The following PDE8A variants were observed in gnomAD, a reference collection of about 807,000 sequenced individuals.
PDE8A encodes phosphodiesterase 8A, also known as high affinity cAMP-specific and IBMX-insensitive 3',5'-cyclic phosphodiesterase 8A.
PDE8A carries 59 observed loss-of-function variants against 105.0 expected under a neutral mutation model. That is an observed-to-expected ratio of 0.56 (90% CI 0.46 to 0.70). The LOEUF (loss-of-function observed/expected upper bound fraction) is 0.70. PDE8A is among the 30% of genes least tolerant of loss of function. The pLI is 0.00. For synonymous variants in PDE8A, 355 were observed against 371.9 expected (o/e 0.95, Z 0.52); for missense variants, 1,014 against 1,045.9 (o/e 0.97, Z 0.42).
intron 2 of PDE8A, among the ~76,000 whole-genome samples, chr15:85,065,603 G>A (rs1283440771): frequency 6.6e-6 from 1 of 152,192 alleles, no homozygotes; most frequent in African/African-American, 2.4e-5. Context: ...TGACAGAAAT[G>A]TGTGCTCTTA....
intron 14 of PDE8A, among the ~76,000 whole-genome samples, chr15:85,114,515 G>C (rs2082065918): frequency 6.6e-6 from 1 of 152,158 alleles, no homozygotes; most frequent in Non-Finnish European, 1.5e-5. Flanking sequence ...TTCACTAGAA[G>C]GGGGCTTTGT....
rs143651803 is a variant in PDE8A at position 84,985,877 on chromosome 15, C to T, written c.186+3529C>T. ...GGTTATTGCTCTTCAGAGCACTGTA[C>T]CCAGGGAATAATATATTTCTACCCT... On this transcript the variant is annotated intron_variant, in intron 1 of 21. Transcript: ENST00000394553. Among the ~76,000 whole-genome samples the T allele has an allele frequency of 5.4e-3, 824 of 152,176 alleles. 5 individuals are homozygous for T. The highest frequency in any genetic ancestry group is 9.4e-3 in the Non-Finnish European group (640 of 68,020).
chr15:84,981,191 G>C (rs2079701010), upstream of PDE8A, among the ~76,000 whole-genome samples: 1 of 152,220 alleles, frequency 6.6e-6, no homozygotes, highest in Non-Finnish European at 1.5e-5. Flanking sequence ...GTGTGTCCCT[G>C]GGCAAGTCTC....
At chr15:85,135,456 C>T (rs1237771845) in intron 20 of PDE8A, among the ~76,000 whole-genome samples, 1 of 152,048 alleles carries the variant, frequency 6.6e-6, no homozygotes, top group Non-Finnish European at 1.5e-5. Flanking sequence ...TCCCTTCACC[C>T]GGCCCCACAC....
intron 11 of PDE8A, among the ~76,000 whole-genome samples, chr15:85,106,149 C>A (rs147393846): frequency 4.6e-5 from 7 of 151,960 alleles, no homozygotes; most frequent in Non-Finnish European, 1.0e-4. Context: ...TTCATACACC[C>A]TCTGCTGCTT....
In PDE8A at chr15:85,117,678, T is replaced by C. The variant is rs747476594; in HGVS notation, c.1573T>C (p.Phe525Leu). 1.1e-5 allele frequency: 17 copies of C among 1,614,208 alleles called. No homozygotes were observed. Among genetic ancestry groups the C allele is most frequent in the Middle Eastern group, 1.6e-4 (1 of 6,062 alleles). Reference protein sequence around the residue: ...IYLGLKMFARFGICEFLHCSE... With the variant: ...IYLGLKMFARLGICEFLHCSE... ...TCTTGGTCTCAAAATGTTTGCTCGC[T>C]TTGGAATCTGTGAATTCTTACACTG... Residue 525 changes from phenylalanine to leucine, a missense_variant, in exon 17 of 22, where the codon TTT becomes CTT. Phe to Leu is a conservative substitution (Grantham distance 22, BLOSUM62 0). Transcript: ENST00000394553.
intron 6 of PDE8A, among the ~76,000 whole-genome samples, chr15:85,087,523 C>G (rs1301834992): frequency 6.6e-6 from 1 of 152,058 alleles, no homozygotes. Context: ...TTAGAGTTTA[C>G]TTAGTAGTAT....
At chr15:85,024,032 T>G (rs1383547460) in intron 1 of PDE8A, among the ~76,000 whole-genome samples, 1 of 152,028 alleles carries the variant, frequency 6.6e-6, no homozygotes, top group African/African-American at 2.4e-5. Flanking sequence ...AAAAAGTTGG[T>G]CATTGGGCCT....
chr15:85,113,009 G>C (rs185423235), intron 12 of PDE8A, among the ~76,000 whole-genome samples: 1 of 152,270 alleles, frequency 6.6e-6, no homozygotes, highest in East Asian at 1.9e-4. Context: ...AGCATTGTGT[G>C]GCATTGTCTT....
chr15:85,005,139 G>A (rs1337821576), intron 1 of PDE8A, among the ~76,000 whole-genome samples: 7 of 150,634 alleles, frequency 4.6e-5, no homozygotes, highest in African/African-American at 1.7e-4. Context: ...TTTGTTTTTT[G>A]TTTTGAAACA....
At position 84,993,215 on chromosome 15, in the gene PDE8A, G is replaced by A. The variant is rs560965728; in HGVS notation, c.186+10867G>A. On this transcript the variant is annotated intron_variant, in intron 1 of 21. Transcript: ENST00000394553. ...TCCCAGCACTTTGGGAGGCCAAGGC[G>A]GGCGGATCACAAGGTCAGGAGATCA... Among the ~76,000 whole-genome samples the A allele has an allele frequency of 5.9e-4, 90 of 151,436 alleles. 2 individuals carry two copies. In the South Asian group the frequency reaches 0.013, roughly 22 times the overall value.
At chr15:85,079,947 A>G (rs1219387028) in intron 5 of PDE8A, among the ~76,000 whole-genome samples, 3 of 152,170 alleles carry the variant, frequency 2.0e-5, no homozygotes, top group African/African-American at 7.2e-5. Flanking sequence ...GCAAATGTAT[A>G]TGAATGGGCT....
chr15:85,028,758 G>T (rs289394), intron 1 of PDE8A, among the ~76,000 whole-genome samples: 68,764 of 148,282 alleles, frequency 0.46, 16,582 homozygotes, highest in South Asian at 0.58. Flanking sequence ...GACCCCTCCC[G>T]AGCACCTCCC....
At chr15:85,119,252 A>G (rs1007845552) in intron 17 of PDE8A, among the ~76,000 whole-genome samples, 1 of 151,966 alleles carries the variant, frequency 6.6e-6, no homozygotes, top group African/African-American at 2.4e-5. Context: ...ACCAAGGCAG[A>G]TGGATCAGGA....
At chr15:85,075,096 A>G (rs1052139990) in intron 3 of PDE8A, among the ~76,000 whole-genome samples, 3 of 152,074 alleles carry the variant, frequency 2.0e-5, no homozygotes, top group Non-Finnish European at 2.9e-5. Flanking sequence ...CCAGTGGAGC[A>G]CTTCTTTTCT....
At chr15:85,017,743 C>A (rs905975547) in intron 1 of PDE8A, among the ~76,000 whole-genome samples, 1 of 151,624 alleles carries the variant, frequency 6.6e-6, no homozygotes, top group South Asian at 2.1e-4. Flanking sequence ...AAATATTAGC[C>A]GGGTGTGGTG....
chr15:84,988,035 C>T (rs952292323), intron 1 of PDE8A, among the ~76,000 whole-genome samples: 1 of 152,118 alleles, frequency 6.6e-6, no homozygotes, highest in African/African-American at 2.4e-5. Context: ...TTAATAATAG[C>T]CACCATTTCT....
At chr15:85,109,774 T>C (rs570244885) in intron 12 of PDE8A, among the ~76,000 whole-genome samples, 24 of 152,298 alleles carry the variant, frequency 1.6e-4, no homozygotes, top group African/African-American at 5.8e-4. Context: ...GATTATACAG[T>C]AGGGATCAAA....
intron 6 of PDE8A, among the ~76,000 whole-genome samples, chr15:85,088,671 A>G (rs2141522961): frequency 6.6e-6 from 1 of 152,330 alleles, no homozygotes; most frequent in South Asian, 2.1e-4. Context: ...GTTCCTCACT[A>G]ATACATGTTA....
Sources: gnomAD v4.1 joint callset for allele counts (sites outside exome capture counted in the v4.1 genomes callset) on GRCh38, gnomAD v4.1.1 for gene constraint, MANE v1.5 for transcripts, NCBI Gene and HGNC (gene_info 2026-07-23, HGNC 2026-07-21) for gene names.